The following STXBP5L variants were observed in gnomAD, a reference collection of about 807,000 sequenced individuals.
STXBP5L encodes the protein syntaxin binding protein 5L.
A neutral mutation model predicts 144.5 loss-of-function variants in STXBP5L; 65 were observed. That is an observed-to-expected ratio of 0.45 (90% CI 0.37 to 0.55). The LOEUF (loss-of-function observed/expected upper bound fraction) is 0.55, where lower values mean the gene tolerates loss of function less well. Ranked by LOEUF, STXBP5L falls within the 20% of genes least tolerant of loss-of-function variation. The pLI, the probability that STXBP5L is intolerant of heterozygous loss-of-function variation, is 0.00. For missense variants in STXBP5L, 1,298 were observed against 1,405.5 expected, an observed-to-expected ratio of 0.92 and a Z score of 1.22; for synonymous variants, 505 against 469.6, an observed-to-expected ratio of 1.08 and a Z score of -0.97.
intron 2 of STXBP5L, among the ~76,000 whole-genome samples, chr3:120,932,235 A>G (rs1339813057): frequency 2.6e-5 from 4 of 152,212 alleles, no homozygotes; most frequent in Non-Finnish European, 5.9e-5. Flanking sequence ...ACATGATGGT[A>G]TGAACTTGAA....
At chr3:121,176,211 A>T (rs959271442) in intron 9 of STXBP5L, among the ~76,000 whole-genome samples, 9 of 152,174 alleles carry the variant, frequency 5.9e-5, no homozygotes, top group Middle Eastern at 3.4e-3. Flanking sequence ...TAACTGACAT[A>T]TATAGAACAG....
At chr3:121,278,340 T>C (rs1001941900) in intron 18 of STXBP5L, among the ~76,000 whole-genome samples, 1 of 151,988 alleles carries the variant, frequency 6.6e-6, no homozygotes, top group Non-Finnish European at 1.5e-5. Flanking sequence ...CTTTACCAAC[T>C]TTCTGACAAC....
At position 121,394,643 on chromosome 3, in the gene STXBP5L, C is replaced by T. The variant is rs181786825; in HGVS notation, c.2588-12600C>T. ...TTTTTGAGACAGTGTCTCACTCTGT[C>T]GCCCAGGCTGGAGTGCAGTGGCACG... On this transcript the variant is annotated intron_variant, in intron 22 of 26. Coordinates refer to ENST00000471454, the MANE Select transcript of STXBP5L (RefSeq NM_001308330.2). 1.8e-4 allele frequency among the ~76,000 whole-genome samples: 22 copies of T among 122,756 alleles called. No homozygotes were observed. The East Asian group carries it at 5.6e-3, about 31-fold the overall frequency. 80.5% of individuals were successfully genotyped at this position (122,756 alleles called of 152,430 possible). A position where few individuals can be genotyped will look rare whatever the true frequency, so the allele number is the denominator to read the frequency against.
intron 20 of STXBP5L, among the ~76,000 whole-genome samples, chr3:121,348,833 T>A (rs572210966): frequency 6.6e-6 from 1 of 152,212 alleles, no homozygotes; most frequent in South Asian, 2.1e-4. Context: ...TTGCATCTAT[T>A]TGATTCTTCT....
At chr3:121,308,737 A>T (rs1267531500) in intron 19 of STXBP5L, among the ~76,000 whole-genome samples, 1 of 152,138 alleles carries the variant, frequency 6.6e-6, no homozygotes, top group East Asian at 1.9e-4. Flanking sequence ...AAGGTTATAA[A>T]TATATGCTTG....
intron 12 of STXBP5L, among the ~76,000 whole-genome samples, chr3:121,234,843 G>T (rs558127841): frequency 6.6e-6 from 1 of 151,828 alleles, no homozygotes; most frequent in Non-Finnish European, 1.5e-5. Flanking sequence ...GTTCTAATAT[G>T]AGTCTTATTA....
chr3:120,994,867 C>T (rs1428731389), intron 3 of STXBP5L, among the ~76,000 whole-genome samples: 4 of 151,970 alleles, frequency 2.6e-5, no homozygotes, highest in Non-Finnish European at 5.9e-5. Context: ...GTTCTTCATA[C>T]ATTTGGTAGA....
chr3:121,115,371 G>A (rs1395382475), intron 6 of STXBP5L, among the ~76,000 whole-genome samples: 1 of 152,144 alleles, frequency 6.6e-6, no homozygotes, highest in Non-Finnish European at 1.5e-5. Context: ...GCAACTTTCA[G>A]TGAGAATGAA....
chr3:121,135,009 A>T lies in STXBP5L; in HGVS notation c.669+13305A>T, dbSNP rs1309276983. Among the ~76,000 whole-genome samples the T allele has an allele frequency of 3.3e-5, 5 of 152,130 alleles. 1 individual carries two copies. The highest frequency in any genetic ancestry group is 5.9e-5 in the Non-Finnish European group (4 of 68,014). ...GTCTTCCACAATGGTTGAACTAGTT[A>T]ACAGTCCCACCAACAGTGTAAAAGT... On this transcript the variant is annotated intron_variant, in intron 7 of 26. Coordinates refer to ENST00000471454, the MANE Select transcript of STXBP5L (RefSeq NM_001308330.2).
intron 10 of STXBP5L, among the ~76,000 whole-genome samples, chr3:121,211,875 G>A (rs1271221377): frequency 6.6e-6 from 1 of 151,676 alleles, no homozygotes; most frequent in Non-Finnish European, 1.5e-5. Flanking sequence ...CCAACATGCT[G>A]GCCTGTTTCC....
At chr3:121,379,871 G>A (rs1024620091) in intron 21 of STXBP5L, among the ~76,000 whole-genome samples, 2 of 152,118 alleles carry the variant, frequency 1.3e-5, no homozygotes, top group Admixed American at 6.6e-5. Flanking sequence ...ATCTCATTCT[G>A]TTGCTGAGGT....
chr3:121,067,129 T>C (rs1169205662), intron 5 of STXBP5L, among the ~76,000 whole-genome samples: 2 of 152,108 alleles, frequency 1.3e-5, no homozygotes, highest in African/African-American at 2.4e-5. Flanking sequence ...GATAGAATTC[T>C]TGATTTTTTT....
At chr3:121,075,869 C>G (rs528305622) in intron 5 of STXBP5L, among the ~76,000 whole-genome samples, 1 of 152,348 alleles carries the variant, frequency 6.6e-6, no homozygotes, top group Admixed American at 6.5e-5. Context: ...CCTGCAGGTG[C>G]ATTGTTCTCC....
intron 16 of STXBP5L, among the ~76,000 whole-genome samples, chr3:121,256,944 A>G (rs2050224881): frequency 6.6e-6 from 1 of 151,894 alleles, no homozygotes; most frequent in South Asian, 2.1e-4. Flanking sequence ...TGTGATTGCC[A>G]TTGAATATTC....
intron 5 of STXBP5L, among the ~76,000 whole-genome samples, chr3:121,110,953 T>A (rs547376188): frequency 2.6e-5 from 4 of 152,306 alleles, no homozygotes; most frequent in African/African-American, 9.6e-5. Flanking sequence ...TTTTTTTTCC[T>A]AATCTTATCT....
intron 3 of STXBP5L, among the ~76,000 whole-genome samples, chr3:120,972,770 A>G (rs141377894): frequency 6.1e-4 from 93 of 152,166 alleles, no homozygotes; most frequent in African/African-American, 2.2e-3. Flanking sequence ...GAGAATTGTT[A>G]TCATGAAGGG....
intron 3 of STXBP5L, among the ~76,000 whole-genome samples, chr3:120,978,994 G>C (rs1016388486): frequency 1.3e-5 from 2 of 152,168 alleles, no homozygotes; most frequent in Non-Finnish European, 2.9e-5. Context: ...GGGGGTCAGG[G>C]GTCAGGGACC....
intron 6 of STXBP5L, among the ~76,000 whole-genome samples, chr3:121,117,790 T>A (rs1156894081): frequency 1.3e-5 from 2 of 151,732 alleles, no homozygotes; most frequent in Non-Finnish European, 1.5e-5. Flanking sequence ...CCCAAGAGTA[T>A]GAATAGTTGG....
intron 17 of STXBP5L, among the ~76,000 whole-genome samples, chr3:121,258,631 A>G (rs1268796185): frequency 6.6e-6 from 1 of 152,172 alleles, no homozygotes; most frequent in Non-Finnish European, 1.5e-5. Context: ...TTAAAGGAAA[A>G]TAGGAATTCA....
Sources: allele counts gnomAD v4.1 joint callset (sites outside exome capture counted in the v4.1 genomes callset), GRCh38; gene constraint gnomAD v4.1.1; transcripts MANE v1.5; gene names NCBI Gene and HGNC (gene_info 2026-07-23, HGNC 2026-07-21).